Variants in NOL4 observed in about 807,000 individuals in gnomAD.
NOL4 encodes nucleolar protein 4.
NOL4 carries 17 observed loss-of-function variants against 75.9 expected under a neutral mutation model. That is an observed-to-expected ratio of 0.22 (90% CI 0.15 to 0.34). NOL4 has a LOEUF of 0.34. Among genes scored for constraint, NOL4 ranks in the 10% least tolerant of loss-of-function variants. The probability of loss-of-function intolerance (pLI) is 1.00; values close to 1 mark genes in which losing one functional copy is unlikely to be tolerated. For missense variants in NOL4, 614 were observed against 793.5 expected (o/e 0.77, Z 2.72); for synonymous variants, 292 against 289.9 (o/e 1.01, Z -0.07).
At chr18:33,984,239 A>G (rs2072245747) in intron 6 of NOL4, among the ~76,000 whole-genome samples, 1 of 152,166 alleles carries the variant, frequency 6.6e-6, no homozygotes, top group African/African-American at 2.4e-5. Context: ...AGAATGCAGA[A>G]TGAGTATTGA....
At chr18:34,015,970 G>C (rs1374977647) in intron 6 of NOL4, among the ~76,000 whole-genome samples, 2 of 152,030 alleles carry the variant, frequency 1.3e-5, no homozygotes, top group Non-Finnish European at 2.9e-5. Context: ...GGACGAGATA[G>C]TAAGCCAGGT....
At chr18:33,894,757 T>A (rs1685279531) in intron 9 of NOL4, among the ~76,000 whole-genome samples, 1 of 152,084 alleles carries the variant, frequency 6.6e-6, no homozygotes. Flanking sequence ...CACTTATATG[T>A]GGAGTATACT....
chr18:34,168,316 T>A (rs2032646266), intron 1 of NOL4, among the ~76,000 whole-genome samples: 1 of 151,774 alleles, frequency 6.6e-6, no homozygotes, highest in Non-Finnish European at 1.5e-5. Context: ...AAATTATGTG[T>A]GTAAATATTT....
intron 10 of NOL4, among the ~76,000 whole-genome samples, chr18:33,882,964 C>T (rs1036861621): frequency 6.6e-6 from 1 of 151,868 alleles, no homozygotes; most frequent in African/African-American, 2.4e-5. Flanking sequence ...GAACAAAAAA[C>T]CAAACACCGC....
At chr18:34,183,530 A>T (rs2034214528) in intron 1 of NOL4, 1 of 151,952 alleles carries the variant, frequency 6.6e-6, no homozygotes, top group Non-Finnish European at 1.5e-5. Context: ...TCACATAAAA[A>T]CTTGTATGCA....
intron 1 of NOL4, chr18:34,221,014 C>A (rs559184120): frequency 6.6e-6 from 1 of 151,956 alleles, no homozygotes; most frequent in African/African-American, 2.4e-5. Context: ...TTATGATGAT[C>A]TTAGTATCTC....
At chr18:33,970,988 G>A (rs776611754) in intron 6 of NOL4, among the ~76,000 whole-genome samples, 40 of 152,146 alleles carry the variant, frequency 2.6e-4, no homozygotes, top group Middle Eastern at 3.2e-3. Context: ...GAAGGAAAAG[G>A]TGGTGTGCTT....
intron 8 of NOL4, among the ~76,000 whole-genome samples, chr18:33,943,790 C>A (rs183500352): frequency 5.1e-4 from 78 of 151,832 alleles, no homozygotes; most frequent in African/African-American, 1.8e-3. Flanking sequence ...TGTGTACATG[C>A]CTGTTTTGTT....
At chr18:34,046,319 C>T (rs2076362708) in intron 5 of NOL4, among the ~76,000 whole-genome samples, 1 of 151,858 alleles carries the variant, frequency 6.6e-6, no homozygotes, top group Admixed American at 6.6e-5. Flanking sequence ...TGGAGGATGA[C>T]CTGGTCCTCA....
chr18:34,139,115 C>A (rs1330520820), intron 1 of NOL4, among the ~76,000 whole-genome samples: 1 of 152,164 alleles, frequency 6.6e-6, no homozygotes, highest in African/African-American at 2.4e-5. Flanking sequence ...CGATGTTTAT[C>A]AGGGATATTG....
At chr18:34,094,630 G>A (rs978007321) in intron 4 of NOL4, among the ~76,000 whole-genome samples, 11 of 152,266 alleles carry the variant, frequency 7.2e-5, no homozygotes, top group South Asian at 4.1e-4. Context: ...TGGAAGGCCC[G>A]GGAAACCTGT....
intron 5 of NOL4, among the ~76,000 whole-genome samples, chr18:34,026,227 G>A (rs1436330164): frequency 6.6e-5 from 10 of 152,132 alleles, no homozygotes; most frequent in African/African-American, 2.2e-4. Flanking sequence ...AGAGACACTG[G>A]AAGAGATGGA....
intron 5 of NOL4, among the ~76,000 whole-genome samples, chr18:34,054,192 C>T (rs567957623): frequency 6.6e-6 from 1 of 151,866 alleles, no homozygotes; most frequent in Non-Finnish European, 1.5e-5. Context: ...CTGGAGTGTT[C>T]TTTATATGTA....
chr18:33,889,731 A>G (rs540259342), intron 9 of NOL4, among the ~76,000 whole-genome samples: 1 of 152,294 alleles, frequency 6.6e-6, no homozygotes, highest in Non-Finnish European at 1.5e-5. Context: ...GGCTGGTTCA[A>G]CATACACAAA....
chr18:34,113,364 G>A (rs2145768835), intron 2 of NOL4, among the ~76,000 whole-genome samples: 1 of 152,288 alleles, frequency 6.6e-6, no homozygotes, highest in South Asian at 2.1e-4. Context: ...GAAGTTCTTA[G>A]CATGGTGGCT....
At chr18:34,027,614 T>C (rs944343170) in intron 5 of NOL4, among the ~76,000 whole-genome samples, 1 of 152,220 alleles carries the variant, frequency 6.6e-6, no homozygotes, top group Admixed American at 6.5e-5. Context: ...AAACTCATGA[T>C]TTTCATAGCC....
chr18:34,037,040 CA>C (rs1393957907), intron 5 of NOL4, among the ~76,000 whole-genome samples: 23 of 152,010 alleles, frequency 1.5e-4, no homozygotes, highest in Non-Finnish European at 2.5e-4. Context: ...AAGATTCCAC[CA>C]AAAAACTCTT....
At chr18:34,102,804 T>A (rs1048090966) in intron 4 of NOL4, among the ~76,000 whole-genome samples, 3 of 152,024 alleles carry the variant, frequency 2.0e-5, no homozygotes, top group African/African-American at 7.2e-5. Flanking sequence ...AAGATAGTTT[T>A]TTTTTATCAT....
At chr18:33,991,115 T>C (rs1017249521) in intron 6 of NOL4, among the ~76,000 whole-genome samples, 1 of 151,944 alleles carries the variant, frequency 6.6e-6, no homozygotes, top group African/African-American at 2.4e-5. Context: ...ACTTAAATAT[T>C]TAATTATATC....
Sources: allele counts gnomAD v4.1 joint callset (sites outside exome capture counted in the v4.1 genomes callset), GRCh38; gene constraint gnomAD v4.1.1; transcripts MANE v1.5; gene names NCBI Gene and HGNC (gene_info 2026-07-23, HGNC 2026-07-21).